SPRED2: variants seen among roughly 807,000 people sequenced by gnomAD.
The protein encoded by SPRED2 is sprouty related EVH1 domain containing 2.
Under a neutral mutation model 43.0 loss-of-function variants are expected in SPRED2, and 47 were observed. The ratio of observed to expected loss-of-function variants is 1.09; its 90% CI spans 0.87 to 1.40. The LOEUF (loss-of-function observed/expected upper bound fraction) is 1.40, where lower values mean the gene tolerates loss of function less well. SPRED2 is among the 40% of genes most tolerant of loss of function. The pLI, the probability that SPRED2 is intolerant of heterozygous loss-of-function variation, is 0.00. For synonymous variants in SPRED2, 225 were observed against 225.7 expected (o/e 1.00, Z 0.03); for missense variants, 561 against 586.4 (o/e 0.96, Z 0.45).
At chr2:65,359,359 T>TTA (rs1674741962) in intron 1 of SPRED2, among the ~76,000 whole-genome samples, 1 of 152,184 alleles carries the variant, frequency 6.6e-6, no homozygotes, top group Non-Finnish European at 1.5e-5. Context: ...TTTTAACACG[T>TTA]TAGTCTTAAA....
At chr2:65,346,696 C>T (rs1674360566) in intron 1 of SPRED2, among the ~76,000 whole-genome samples, 2 of 152,194 alleles carry the variant, frequency 1.3e-5, no homozygotes, top group South Asian at 4.1e-4. Flanking sequence ...CTCCCCACTG[C>T]ACCCTGCTGG....
rs1246775660 is a variant in SPRED2 at position 65,366,647 on chromosome 2, T to C, written c.27-21751A>G. ...GAGCCCGAGTGCTGGGTATTAGCAT[T>C]ATTGCTACTATAAAGCTTCCGATAA... is the stretch of plus-strand genomic sequence containing the variant. On this transcript the variant is annotated intron_variant, in intron 1 of 5. Transcript: ENST00000356388. 2.6e-6 allele frequency: 4 copies of C among 1,548,800 alleles called. No homozygotes were observed. The African/African-American group carries it at 4.1e-5, about 16-fold the overall frequency.
intron 1 of SPRED2, among the ~76,000 whole-genome samples, chr2:65,408,369 A>G (rs992842092): frequency 3.3e-5 from 5 of 152,204 alleles, no homozygotes; most frequent in Non-Finnish European, 7.4e-5. Context: ...TATAAGGTAG[A>G]GTCAGAATTC....
intron 1 of SPRED2, among the ~76,000 whole-genome samples, chr2:65,393,626 C>T (rs537020509): frequency 1.3e-5 from 2 of 151,982 alleles, no homozygotes; most frequent in East Asian, 1.9e-4. Context: ...TGAACCACTG[C>T]GCCTATTATT....
intron 1 of SPRED2, chr2:65,380,628 G>C (rs1238906766): frequency 1.3e-5 from 2 of 152,028 alleles, no homozygotes; most frequent in African/African-American, 2.4e-5. Flanking sequence ...ATACTTACTA[G>C]TGCCAAGTAT....
At chr2:65,428,405 T>G (rs1676604671) in intron 1 of SPRED2, among the ~76,000 whole-genome samples, 1 of 152,268 alleles carries the variant, frequency 6.6e-6, no homozygotes, top group South Asian at 2.1e-4. Context: ...TCGATTGGTC[T>G]CTGGCTGAAT....
At chr2:65,335,245 C>G (rs1340974258) in intron 2 of SPRED2, among the ~76,000 whole-genome samples, 1 of 152,170 alleles carries the variant, frequency 6.6e-6, no homozygotes, top group East Asian at 1.9e-4. Flanking sequence ...TCTGGCTCAT[C>G]ATCTCTGTGG....
chr2:65,377,839 C>A, intron 1 of SPRED2: 1 of 387,964 alleles, frequency 2.6e-6, no homozygotes, highest in Non-Finnish European at 5.2e-6. Context: ...TCAGACACAG[C>A]CTCCAGCAAA....
downstream of SPRED2, chr2:65,308,235 G>A: frequency 1.1e-6 from 1 of 907,724 alleles, no homozygotes; most frequent in Non-Finnish European, 1.3e-6. Flanking sequence ...GTACTCTGGA[G>A]ACAGTGCTCT....
chr2:65,395,754 C>T (rs1364619874), intron 1 of SPRED2, among the ~76,000 whole-genome samples: 1 of 152,146 alleles, frequency 6.6e-6, no homozygotes, highest in African/African-American at 2.4e-5. Context: ...GTCCAGCACA[C>T]AGTAATGAAC....
chr2:65,381,114 C>T (rs886989106), intron 1 of SPRED2, among the ~76,000 whole-genome samples: 2 of 152,200 alleles, frequency 1.3e-5, no homozygotes, highest in African/African-American at 4.8e-5. Context: ...TGACTCCAGA[C>T]ACATGGCTCT....
At chr2:65,375,292 G>A (rs1203090195) in intron 1 of SPRED2, among the ~76,000 whole-genome samples, 3 of 152,246 alleles carry the variant, frequency 2.0e-5, no homozygotes, top group Non-Finnish European at 4.4e-5. Context: ...CAGCACTGGA[G>A]GAAGAGGCGA....
intron 1 of SPRED2, among the ~76,000 whole-genome samples, chr2:65,350,152 C>A (rs890630200): frequency 3.3e-5 from 5 of 152,188 alleles, no homozygotes; most frequent in African/African-American, 1.2e-4. Context: ...CACCTTCCCT[C>A]CCCCTCTTTC....
intron 1 of SPRED2, among the ~76,000 whole-genome samples, chr2:65,379,711 G>C (rs529222380): frequency 6.6e-6 from 1 of 152,256 alleles, no homozygotes; most frequent in African/African-American, 2.4e-5. Context: ...CTGCAATAGA[G>C]AGCAGGGCTG....
intron 1 of SPRED2, among the ~76,000 whole-genome samples, chr2:65,371,095 G>C (rs996556724): frequency 3.3e-5 from 5 of 152,194 alleles, no homozygotes; most frequent in African/African-American, 1.2e-4. Context: ...GCCCGTAAGA[G>C]CTCAGTAAGG....
chr2:65,354,552 GA>G (rs11341778), intron 1 of SPRED2, among the ~76,000 whole-genome samples: 40,073 of 142,356 alleles, frequency 0.28, 6,630 homozygotes, highest in East Asian at 0.7. Flanking sequence ...GTGCTCTCAT[GA>G]AAAAAAAAAA....
At chr2:65,310,371 G>A (rs2104086297), downstream of SPRED2, among the ~76,000 whole-genome samples, 1 of 151,884 alleles carries the variant, frequency 6.6e-6, no homozygotes, top group South Asian at 2.1e-4. Flanking sequence ...ATTTGGAAAG[G>A]AAAGTGGGCC....
intron 1 of SPRED2, among the ~76,000 whole-genome samples, chr2:65,402,457 A>G (rs921333778): frequency 3.3e-5 from 5 of 152,144 alleles, no homozygotes; most frequent in Non-Finnish European, 4.4e-5. Context: ...CTGTTAGACA[A>G]CCATATGGAG....
At chr2:65,423,423 G>A (rs182140434) in intron 1 of SPRED2, among the ~76,000 whole-genome samples, 15 of 152,316 alleles carry the variant, frequency 9.8e-5, no homozygotes, top group Non-Finnish European at 1.6e-4. Context: ...GAGTAAAGGG[G>A]CCAATGGTCA....
Sources: allele counts gnomAD v4.1 joint callset (sites outside exome capture counted in the v4.1 genomes callset), GRCh38; gene constraint gnomAD v4.1.1; transcripts MANE v1.5; gene names NCBI Gene and HGNC (gene_info 2026-07-23, HGNC 2026-07-21).